Variants in NAALADL2 observed in about 807,000 individuals in gnomAD.
The protein encoded by NAALADL2 is inactive N-acetylated-alpha-linked acidic dipeptidase-like protein 2.
Under a neutral mutation model 87.2 loss-of-function variants are expected in NAALADL2, and 76 were observed. The ratio of observed to expected loss-of-function variants is 0.87; its 90% CI spans 0.72 to 1.05. NAALADL2 has a LOEUF of 1.05. Ranked by LOEUF, NAALADL2 falls within the 50% of genes least tolerant of loss-of-function variation. NAALADL2 has a pLI of 0.00. For missense variants in NAALADL2, 1,089 were observed against 945.8 expected, an observed-to-expected ratio of 1.15 and a Z score of -1.99; for synonymous variants, 354 against 331.0, an observed-to-expected ratio of 1.07 and a Z score of -0.75.
chr3:174,849,640 A>C (rs112299530), intron 3 of NAALADL2, among the ~76,000 whole-genome samples: 4,268 of 150,072 alleles, frequency 0.028, 168 homozygotes, highest in African/African-American at 0.088. Context: ...GAGGCTAAGG[A>C]AGGAGAATTG....
intron 11 of NAALADL2, among the ~76,000 whole-genome samples, chr3:175,679,417 A>G (rs1183579544): frequency 1.3e-5 from 2 of 152,172 alleles, no homozygotes; most frequent in Non-Finnish European, 2.9e-5. Context: ...CTAATGGCTG[A>G]TAAATGAATG....
At chr3:174,698,315 C>G (rs895922882) in intron 2 of NAALADL2, among the ~76,000 whole-genome samples, 3 of 151,772 alleles carry the variant, frequency 2.0e-5, no homozygotes, top group African/African-American at 4.8e-5. Context: ...TAGATTTTAT[C>G]TGATGCTGTT....
intron 10 of NAALADL2, among the ~76,000 whole-genome samples, chr3:175,608,700 A>G (rs973633482): frequency 9.9e-5 from 15 of 152,124 alleles, no homozygotes; most frequent in African/African-American, 3.6e-4. Flanking sequence ...TAGTATTCTC[A>G]GTTGTATAAT....
chr3:175,268,207 T>G (rs1328752636), intron 4 of NAALADL2, among the ~76,000 whole-genome samples: 1 of 152,196 alleles, frequency 6.6e-6, no homozygotes, highest in Non-Finnish European at 1.5e-5. Context: ...CTATAAGGTA[T>G]AGCCTATTGC....
At chr3:174,934,446 A>G (rs778398893) in intron 1 of NAALADL2, among the ~76,000 whole-genome samples, 3 of 152,178 alleles carry the variant, frequency 2.0e-5, no homozygotes, top group Non-Finnish European at 2.9e-5. Context: ...GAATTACAAT[A>G]ACAACACAGC....
At chr3:175,405,868 G>A (rs1712254429) in intron 5 of NAALADL2, among the ~76,000 whole-genome samples, 1 of 152,154 alleles carries the variant, frequency 6.6e-6, no homozygotes, top group Non-Finnish European at 1.5e-5. Flanking sequence ...GAATACTGTG[G>A]TAAAAATTAT....
At position 175,256,458 on chromosome 3, in the gene NAALADL2, G is replaced by T; in HGVS notation, c.867G>T (p.Arg289Ser). ...ATGGAATGGCAGATGATTTAAAAAG[G>T]ATTAGGAAAATAAAAAACGTAACAA... Reference protein sequence around the residue: ...VSYGMADDLKRIRKIKNVTNQ... With the variant: ...VSYGMADDLKSIRKIKNVTNQ... Residue 289 changes from arginine (R) to serine (S), a missense_variant, in exon 4 of 14, where the codon AGG (arginine) becomes AGT (serine). Arg to Ser is a moderately radical substitution (Grantham distance 110, BLOSUM62 -1). Coordinates refer to ENST00000454872, the MANE Select transcript of NAALADL2 (RefSeq NM_207015.3). 2 of 1,611,438 alleles carry T rather than the reference G, an allele frequency of 1.2e-6. No individual in the cohort carries two copies. Among genetic ancestry groups the T allele is most frequent in the South Asian group, 2.2e-5 (2 of 90,604 alleles).
At chr3:175,212,883 A>G (rs961566095) in intron 2 of NAALADL2, among the ~76,000 whole-genome samples, 1 of 152,156 alleles carries the variant, frequency 6.6e-6, no homozygotes, top group Non-Finnish European at 1.5e-5. Context: ...CCAGATGCCA[A>G]GTTATTTGCA....
intron 5 of NAALADL2, among the ~76,000 whole-genome samples, chr3:175,367,036 A>G (rs1214061894): frequency 1.3e-5 from 2 of 151,246 alleles, no homozygotes; most frequent in African/African-American, 4.9e-5. Context: ...TAATTTTTGT[A>G]TAAGGTGTAA....
At chr3:174,572,108 C>T (rs1714998612) in intron 2 of NAALADL2, among the ~76,000 whole-genome samples, 2 of 152,064 alleles carry the variant, frequency 1.3e-5, no homozygotes, top group African/African-American at 2.4e-5. Flanking sequence ...TCCTTTTCCT[C>T]TTTCTCTTCT....
At chr3:175,223,094 C>CTGTGTGTGTG (rs71626203) in intron 2 of NAALADL2, among the ~76,000 whole-genome samples, 8,832 of 147,472 alleles carry the variant, frequency 0.06, 331 homozygotes, top group East Asian at 0.12. Context: ...CATAGTTACT[C>CTGTGTGTGTG]TGTGTGTGTG....
intron 2 of NAALADL2, among the ~76,000 whole-genome samples, chr3:175,098,740 A>G (rs568293589): frequency 6.6e-6 from 1 of 152,200 alleles, no homozygotes; most frequent in East Asian, 1.9e-4. Context: ...TCAGGATGTT[A>G]TTAGAAAACA....
intron 3 of NAALADL2, among the ~76,000 whole-genome samples, chr3:174,747,506 C>CATTT (rs1304556377): frequency 1.3e-5 from 2 of 149,898 alleles, no homozygotes; most frequent in Non-Finnish European, 3.0e-5. Flanking sequence ...CCTGTAATCC[C>CATTT]ATTTACTCAG....
intron 5 of NAALADL2, among the ~76,000 whole-genome samples, chr3:175,374,905 TAAATAAATAAATAAGTC>T (rs1766958772): frequency 6.6e-6 from 1 of 150,944 alleles, no homozygotes; most frequent in Non-Finnish European, 1.5e-5. Context: ...AATAAATAAA[TAAATAAATAAATAAGTC>T]AAGTTGTGTA....
chr3:174,700,110 GA>G (rs1553826276), intron 2 of NAALADL2, among the ~76,000 whole-genome samples: 126 of 98,128 alleles, frequency 1.3e-3, no homozygotes, highest in African/African-American at 6.0e-3. Context: ...GCATTGATCT[GA>G]AAAAAAAAAT....
chr3:175,163,949 G>A (rs904314290), intron 2 of NAALADL2, among the ~76,000 whole-genome samples: 1 of 152,156 alleles, frequency 6.6e-6, no homozygotes, highest in South Asian at 2.1e-4. Context: ...TGTGAAACAG[G>A]TTCTGATCTT....
intron 5 of NAALADL2, among the ~76,000 whole-genome samples, chr3:175,406,218 G>A (rs1282532810): frequency 6.6e-6 from 1 of 152,186 alleles, no homozygotes; most frequent in Non-Finnish European, 1.5e-5. Context: ...GAGTTGGGCA[G>A]GAAGAAAATT....
intron 4 of NAALADL2, among the ~76,000 whole-genome samples, chr3:175,280,320 C>T (rs1430253987): frequency 6.6e-6 from 1 of 152,066 alleles, no homozygotes; most frequent in South Asian, 2.1e-4. Flanking sequence ...TTTGAAAAGA[C>T]CAAGGAGAAG....
upstream of NAALADL2, chr3:174,859,180 A>T (rs1190402390): frequency 1.5e-5 from 7 of 470,028 alleles, no homozygotes; most frequent in East Asian, 2.3e-4. Context: ...TGTTTTGTGA[A>T]GTACACTTTA....
Sources: gnomAD v4.1 joint callset for allele counts (sites outside exome capture counted in the v4.1 genomes callset) on GRCh38, gnomAD v4.1.1 for gene constraint, MANE v1.5 for transcripts, NCBI Gene and HGNC (gene_info 2026-07-23, HGNC 2026-07-21) for gene names.